The following PKIG variants were observed in gnomAD, a reference collection of about 807,000 sequenced individuals.
PKIG encodes the protein protein kinase (cAMP-dependent, catalytic) inhibitor gamma.
PKIG carries 1 observed loss-of-function variant against 6.8 expected under a neutral mutation model. The ratio of observed to expected loss-of-function variants is 0.15; its 90% CI spans 0.05 to 0.69. PKIG has a LOEUF of 0.69. PKIG is among the 30% of genes least tolerant of loss of function. The pLI is 0.82. For missense variants in PKIG, 77 were observed against 104.0 expected, an observed-to-expected ratio of 0.74 and a Z score of 1.13; for synonymous variants, 39 against 43.0, an observed-to-expected ratio of 0.91 and a Z score of 0.36.
At chr20:44,543,306 ATACAG>A (rs1181690326) in intron 1 of PKIG, among the ~76,000 whole-genome samples, 1 of 152,006 alleles carries the variant, frequency 6.6e-6, no homozygotes, top group Admixed American at 6.6e-5. Context: ...GTGCACACTT[ATACAG>A]TAAACTTTTT....
At chr20:44,607,685 ATTTT>A (rs146383327) in intron 2 of PKIG, among the ~76,000 whole-genome samples, 2 of 120,712 alleles carry the variant, frequency 1.7e-5, no homozygotes, top group African/African-American at 6.3e-5. Context: ...TGGAAAATAA[ATTTT>A]TTTTTTTTTT....
At chr20:44,555,165 AT>A (rs1379520627) in intron 1 of PKIG, among the ~76,000 whole-genome samples, 25 of 152,340 alleles carry the variant, frequency 1.6e-4, no homozygotes, top group Non-Finnish European at 1.5e-5. Flanking sequence ...GATACTATCG[AT>A]AGAATTATCG....
chr20:44,592,146 G>A (rs2065038992), intron 2 of PKIG, among the ~76,000 whole-genome samples: 1 of 152,174 alleles, frequency 6.6e-6, no homozygotes, highest in African/African-American at 2.4e-5. Flanking sequence ...TTGATCTTAT[G>A]AAGTACATAT....
rs554391726 is a variant in PKIG, at chr20:44,595,566, T to A, written c.-24+5700T>A. The stretch of plus-strand genomic sequence containing the variant: ...TTTCGCTGTGTTGCCCAGGCAGGGG[T>A]GCAGTGGCATGATCTTGGCTCACTG... On this transcript the variant is annotated intron_variant, in intron 2 of 3. Coordinates refer to ENST00000372886, the MANE Select transcript of PKIG (RefSeq NM_001281445.2). 2.6e-3 allele frequency among the ~76,000 whole-genome samples: 395 copies of A among 152,316 alleles called. 2 individuals carry two copies. The highest frequency in any genetic ancestry group is 3.8e-3 in the Non-Finnish European group (260 of 68,034).
At chr20:44,566,751 C>T (rs1314872098) in intron 1 of PKIG, among the ~76,000 whole-genome samples, 1 of 152,152 alleles carries the variant, frequency 6.6e-6, no homozygotes, top group Non-Finnish European at 1.5e-5. Context: ...GAGGCTTTGG[C>T]AGGAGAATTG....
chr20:44,580,852 T>A (rs2064941886), upstream of PKIG, among the ~76,000 whole-genome samples: 1 of 152,180 alleles, frequency 6.6e-6, no homozygotes, highest in African/African-American at 2.4e-5. Context: ...AGAGCCGCTT[T>A]CCCAGTAAAG....
intron 2 of PKIG, among the ~76,000 whole-genome samples, chr20:44,596,084 G>A (rs989357955): frequency 1.3e-5 from 2 of 152,172 alleles, no homozygotes; most frequent in Non-Finnish European, 2.9e-5. Context: ...CTATATGTCA[G>A]GAGCTGTGCT....
intron 1 of PKIG, among the ~76,000 whole-genome samples, chr20:44,559,740 TTAA>T (rs2064750028): frequency 6.6e-6 from 1 of 152,246 alleles, no homozygotes; most frequent in African/African-American, 2.4e-5. Context: ...AATTTATGTA[TTAA>T]TAACTAGCCA....
At chr20:44,541,941 G>A (rs898975274) in intron 1 of PKIG, among the ~76,000 whole-genome samples, 3 of 151,954 alleles carry the variant, frequency 2.0e-5, no homozygotes, top group Admixed American at 6.6e-5. Flanking sequence ...CACCCCCCTC[G>A]GCTTCCCAAA....
chr20:44,609,893 T>G (rs1284902981), intron 2 of PKIG, among the ~76,000 whole-genome samples: 1 of 152,232 alleles, frequency 6.6e-6, no homozygotes, highest in African/African-American at 2.4e-5. Flanking sequence ...GCGTGATGTG[T>G]ATGAAAACAC....
chr20:44,581,526 G>T (rs976085013), upstream of PKIG, among the ~76,000 whole-genome samples: 4 of 152,174 alleles, frequency 2.6e-5, no homozygotes, highest in African/African-American at 9.7e-5. Flanking sequence ...AAAGTAGAGA[G>T]ATGTTCTTTG....
intron 1 of PKIG, among the ~76,000 whole-genome samples, chr20:44,549,923 T>C (rs2064652588): frequency 6.6e-6 from 1 of 152,070 alleles, no homozygotes; most frequent in Non-Finnish European, 1.5e-5. Context: ...TTATATCTCT[T>C]TCAGTGAAAA....
chr20:44,534,176 G>GGA (rs779654852), intron 1 of PKIG, among the ~76,000 whole-genome samples: 10 of 152,164 alleles, frequency 6.6e-5, no homozygotes, highest in Non-Finnish European at 1.2e-4. Context: ...AAGAGCCAGT[G>GGA]GAGAGAGAGA....
At chr20:44,603,104 G>A (rs146177528) in intron 2 of PKIG, among the ~76,000 whole-genome samples, 11 of 152,218 alleles carry the variant, frequency 7.2e-5, no homozygotes, top group Admixed American at 2.0e-4. Flanking sequence ...CCTTCTGGAC[G>A]TAACAGTAAA....
chr20:44,542,118 A>G (rs1252696689), intron 1 of PKIG, among the ~76,000 whole-genome samples: 1 of 152,208 alleles, frequency 6.6e-6, no homozygotes, highest in African/African-American at 2.4e-5. Flanking sequence ...CCTCAGGGTC[A>G]TTGTTCTCTG....
intron 2 of PKIG, among the ~76,000 whole-genome samples, chr20:44,594,391 G>A (rs1313179373): frequency 6.6e-6 from 1 of 152,198 alleles, no homozygotes; most frequent in South Asian, 2.1e-4. Flanking sequence ...TTTCATCTGA[G>A]ACTAGAGTGA....
At chr20:44,615,514 C>A (rs1264912018) in intron 3 of PKIG, among the ~76,000 whole-genome samples, 1 of 152,154 alleles carries the variant, frequency 6.6e-6, no homozygotes, top group Non-Finnish European at 1.5e-5. Flanking sequence ...GGAACACCCC[C>A]ACCCCCTCCA....
intron 2 of PKIG, among the ~76,000 whole-genome samples, chr20:44,610,562 G>A (rs1003651450): frequency 1.4e-5 from 2 of 147,332 alleles, no homozygotes; most frequent in Non-Finnish European, 3.0e-5. Flanking sequence ...CCCACCCTGG[G>A]TGCCTTCTGG....
chr20:44,535,963 A>G (rs944939992), intron 1 of PKIG, among the ~76,000 whole-genome samples: 1 of 151,948 alleles, frequency 6.6e-6, no homozygotes, highest in African/African-American at 2.4e-5. Flanking sequence ...TTAGCTCCCC[A>G]TTTCCGCCTC....
Sources: gnomAD v4.1 joint callset for allele counts (sites outside exome capture counted in the v4.1 genomes callset) on GRCh38, gnomAD v4.1.1 for gene constraint, MANE v1.5 for transcripts, NCBI Gene and HGNC (gene_info 2026-07-23, HGNC 2026-07-21) for gene names.